Variants in AMDHD2 observed in about 807,000 individuals in gnomAD.
The protein encoded by AMDHD2 is N-acetylglucosamine-6-phosphate deacetylase.
In AMDHD2, 24 loss-of-function variants were observed where a neutral mutation model predicts 41.8. The observed-to-expected ratio is 0.57, with a 90% CI of 0.42 to 0.81. AMDHD2 has a LOEUF of 0.81. Among genes scored for constraint, AMDHD2 ranks in the 30% least tolerant of loss-of-function variants. The probability of loss-of-function intolerance (pLI) is 0.00; values close to 1 mark genes in which losing one functional copy is unlikely to be tolerated. For missense variants in AMDHD2, 540 were observed against 588.5 expected, an observed-to-expected ratio of 0.92 and a Z score of 0.85; for synonymous variants, 332 against 255.5, an observed-to-expected ratio of 1.30 and a Z score of -2.85.
In AMDHD2 at chr16:2,521,789, T is replaced by TG. The variant is rs1168256983; in HGVS notation, c.360+666_360+667insG. Among the ~76,000 whole-genome samples, 51 of 143,374 alleles carry TG rather than the reference T, an allele frequency of 3.6e-4. 1 individual carries two copies. The highest frequency in any genetic ancestry group is 2.0e-3 in the Admixed American group (29 of 14,608). 94.1% of individuals were successfully genotyped at this position (143,374 alleles called of 152,430 possible). On this transcript the variant is annotated intron_variant, in intron 3 of 10. Coordinates refer to ENST00000293971, the MANE Select transcript of AMDHD2 (RefSeq NM_001330449.2). ...CTTTTTTTTTTTGTTTAGTTTTTTT[T>TG]TTTTTTTTTTTTGAGACGGAGTCTC...
Position 2,529,785 on chromosome 16 carries a change from G to A in AMDHD2, c.*222G>A. ...CTCACATGTGGCACCATCCTTGGTT[G>A]CCCTCCTGGAGAAGGCATTCACGGC... is the stretch of plus-strand genomic sequence containing the variant. On this transcript the variant is annotated 3_prime_UTR_variant, in exon 11 of 11. Coordinates refer to ENST00000293971, the MANE Select transcript of AMDHD2 (RefSeq NM_001330449.2). 7.0e-7 allele frequency: 1 copy of A among 1,432,354 alleles called. No individual in the cohort carries two copies. Among genetic ancestry groups the A allele is most frequent in the Admixed American group, 2.8e-5 (1 of 35,998 alleles). 88.7% of individuals were successfully genotyped at this position (1,432,354 alleles called of 1,614,324 possible).
rs1418796695 is a variant in AMDHD2, at chr16:2,529,464, C to T, written c.1142-11C>T. On this transcript the variant is annotated splice_polypyrimidine_tract_variant and intron_variant, in intron 10 of 10. Coordinates refer to ENST00000293971, the MANE Select transcript of AMDHD2 (RefSeq NM_001330449.2). ...CTCCTGCCCCCTACTCATTGCCCGG[C>T]TCTGTCCCAGACTTCGTGGTGCTCG... is the stretch of plus-strand genomic sequence containing the variant. 1.9e-6 allele frequency: 3 copies of T among 1,609,224 alleles called. No individual in the cohort carries two copies. Among genetic ancestry groups the T allele is most frequent in the Non-Finnish European group, 2.5e-6 (3 of 1,179,912 alleles).
rs2066039134 is a variant in AMDHD2, at chr16:2,528,540, T to C, written c.951T>C (p.Gly317=). 2.5e-6 allele frequency: 4 copies of C among 1,612,552 alleles called. No individual in the cohort carries two copies. The highest frequency in any genetic ancestry group is 3.4e-6 in the Non-Finnish European group (4 of 1,179,906). ...GACAGCAGGAAGTGGAAGTGGACGGTCTGACGGCCTACGTGGCAGGTGAGC... is the reference window on the plus strand; with the variant it reads ...GACAGCAGGAAGTGGAAGTGGACGGCCTGACGGCCTACGTGGCAGGTGAGC... The part of the protein sequence containing the change: ...TLGQQEVEVD[G]LTAYVAGTKT... Residue 317 remains glycine (G), a synonymous_variant, in exon 8 of 11, where the codon GGT becomes GGC. Coordinates refer to ENST00000293971, the MANE Select transcript of AMDHD2 (RefSeq NM_001330449.2).
At position 2,528,013 on chromosome 16, in the gene AMDHD2, C is replaced by T. The variant is rs752346323; in HGVS notation, c.628+28C>T. 31 of 1,610,044 alleles carry T rather than the reference C, an allele frequency of 1.9e-5. 1 individual carries two copies. In the South Asian group the frequency reaches 3.2e-4, roughly 17 times the overall value. On this transcript the variant is annotated intron_variant, in intron 5 of 10. Coordinates refer to ENST00000293971, the MANE Select transcript of AMDHD2 (RefSeq NM_001330449.2). ...GAGGGGCCGGCTCGGGGTGGGCCTGCTTGGGGGACCTGGGCCAGGTGCAAA... is the reference window on the plus strand; with the variant it reads ...GAGGGGCCGGCTCGGGGTGGGCCTGTTTGGGGGACCTGGGCCAGGTGCAAA...
rs764125716 is a variant in AMDHD2 at position 2,527,609 on chromosome 16, G to A, written c.409G>A (p.Val137Ile). 13 of 1,612,420 alleles carry A rather than the reference G, an allele frequency of 8.1e-6. No individual in the cohort carries two copies. The highest frequency in any genetic ancestry group is 1.6e-4 in the Middle Eastern group (1 of 6,072). The change falls in exon 4 of 11, where the codon GTC becomes ATC. Residue 137 changes from valine (V) to isoleucine (I), a missense_variant. Coordinates refer to ENST00000293971, the MANE Select transcript of AMDHD2 (RefSeq NM_001330449.2). The surrounding 1 kb of genome is among the most constrained non-coding windows in gnomAD (Gnocchi z 6.1). ...VKSGGPHGAGVLGLHLEGPFI... is the reference protein window; with the variant it reads ...VKSGGPHGAGILGLHLEGPFI... ...GAGTGGTGGTCCCCATGGGGCAGGGGTCCTCGGTGAGTGGCTGACCTCCTC... is the reference window on the plus strand; with the variant it reads ...GAGTGGTGGTCCCCATGGGGCAGGGATCCTCGGTGAGTGGCTGACCTCCTC...
chr16:2,520,399 T>TGGGCGCGGGATTTGGC lies in AMDHD2; in HGVS notation c.-59_-44dup, dbSNP rs1273465984. 3.3e-6 allele frequency: 4 copies of TGGGCGCGGGATTTGGC among 1,205,154 alleles called. No individual in the cohort carries two copies. Among genetic ancestry groups the TGGGCGCGGGATTTGGC allele is most frequent in the Non-Finnish European group, 3.1e-6 (3 of 965,962 alleles). 74.7% of individuals were successfully genotyped at this position (1,205,154 alleles called of 1,614,324 possible). ...TCAGCTCTCGGCTGGGGTTCGTCACTGGGCGCGGGATTTGGCCGCCGCGGG... is the reference window on the plus strand; with the variant it reads ...TCAGCTCTCGGCTGGGGTTCGTCACTGGGCGCGGGATTTGGCGGGCGCGGGATTTGGCCGCCGCGGG... On this transcript the variant is annotated 5_prime_UTR_variant, in exon 1 of 11. Coordinates refer to ENST00000293971, the MANE Select transcript of AMDHD2 (RefSeq NM_001330449.2).
In AMDHD2 at chr16:2,529,680, C is replaced by A; in HGVS notation, c.*117C>A. On this transcript the variant is annotated 3_prime_UTR_variant, in exon 11 of 11. Transcript: ENST00000293971. ...GCCCTGCTGGATTGATGCCCAGGGCCTGTGCGGCCGCCCTGGAGGCGGTGG... is the reference window on the plus strand; with the variant it reads ...GCCCTGCTGGATTGATGCCCAGGGCATGTGCGGCCGCCCTGGAGGCGGTGG... The A allele has an allele frequency of 1.3e-6, 2 of 1,528,364 alleles. No homozygotes were observed. Among genetic ancestry groups the A allele is most frequent in the East Asian group, 2.4e-5 (1 of 41,846 alleles). The allele number at this position is 1,528,364 out of a possible 1,614,324, so 94.7% of individuals were successfully genotyped here. A position where few individuals can be genotyped will look rare whatever the true frequency, so the allele number is the denominator to read the frequency against.
rs1392613107 is a variant in AMDHD2, at chr16:2,527,276, G to C, written c.361-285G>C. The C allele has an allele frequency of 1.5e-5, 8 of 521,168 alleles. No homozygotes were observed. The African/African-American group carries it at 1.6e-4, about 11-fold the overall frequency. The allele number at this position is 521,168 out of a possible 1,614,324, so 32.3% of individuals were successfully genotyped here. The stretch of plus-strand genomic sequence containing the variant: ...CAGGAGCCTCCTGCCTCCCAGCCCT[G>C]CTCCCTGGGCTGCTGTGCCCAGGGC... On this transcript the variant is annotated intron_variant, in intron 3 of 10. Transcript: ENST00000293971. This position sits in a 1 kb window ranked among gnomAD's most constrained non-coding sequence, Gnocchi z 6.1.
intron 3 of AMDHD2, among the ~76,000 whole-genome samples, chr16:2,525,138 C>T (rs780331709): frequency 1.3e-5 from 2 of 151,424 alleles, no homozygotes; most frequent in African/African-American, 2.4e-5. Flanking sequence ...CTCACTGCAA[C>T]CTCTGCCTCC....
intron 5 of AMDHD2, 24 bp downstream of exon 5, chr16:2,528,009 C>T (rs367709129): frequency 1.2e-6 from 2 of 1,609,508 alleles, no homozygotes; most frequent in Non-Finnish European, 1.7e-6. Flanking sequence ...TCGGGGTGGG[C>T]CTGCTTGGGG....
chr16:2,528,926 G>A, intron 9 of AMDHD2, 68 bp from the exon 10 acceptor site: 4 of 1,505,878 alleles, frequency 2.7e-6, no homozygotes, highest in Non-Finnish European at 3.6e-6. Flanking sequence ...GAGTGCTGGT[G>A]TGGTTGGGGG....
intron 9 of AMDHD2, 75 bp from the exon 10 acceptor site, chr16:2,528,919 T>G (rs1596999700): frequency 6.7e-7 from 1 of 1,494,344 alleles, no homozygotes; most frequent in Non-Finnish European, 9.0e-7. Context: ...AGACAGGGAG[T>G]GCTGGTGTGG....
At chr16:2,522,835 A>G (rs941859639) in intron 3 of AMDHD2, among the ~76,000 whole-genome samples, 41 of 149,260 alleles carry the variant, frequency 2.7e-4, no homozygotes, top group Non-Finnish European at 5.8e-4. Flanking sequence ...TTTATTCCTT[A>G]GTACTTAACT....
At chr16:2,522,081 G>T (rs2065948227) in intron 3 of AMDHD2, among the ~76,000 whole-genome samples, 1 of 152,028 alleles carries the variant, frequency 6.6e-6, no homozygotes, top group Non-Finnish European at 1.5e-5. Flanking sequence ...ACCGCGCCCG[G>T]CCAGTTTTTG....
intron 3 of AMDHD2, among the ~76,000 whole-genome samples, chr16:2,521,333 C>CCGCAG (rs2065934330): frequency 6.6e-6 from 1 of 152,112 alleles, no homozygotes; most frequent in Non-Finnish European, 1.5e-5. Flanking sequence ...CCTCTGTCCT[C>CCGCAG]CGCAGCTGTC....
intron 3 of AMDHD2, among the ~76,000 whole-genome samples, chr16:2,524,063 A>T (rs2065973878): frequency 6.6e-6 from 1 of 152,210 alleles, no homozygotes; most frequent in East Asian, 1.9e-4. Context: ...CACACACAGG[A>T]TGAAGGCAGA....
chr16:2,530,048 C>T lies in AMDHD2; in HGVS notation c.*485C>T, dbSNP rs888258828. On this transcript the variant is annotated 3_prime_UTR_variant, in exon 11 of 11. Coordinates refer to ENST00000293971, the MANE Select transcript of AMDHD2 (RefSeq NM_001330449.2). ...GTGTGGACAGTCAGGGGTTTGCTTT[C>T]TGCTCCTGAGTTGGGGTGTGCAGCG... The T allele has an allele frequency of 2.6e-5, 21 of 813,180 alleles. No homozygotes were observed. The Admixed American group carries it at 6.2e-4, about 24-fold the overall frequency. 50.4% of individuals were successfully genotyped at this position (813,180 alleles called of 1,614,324 possible).
chr16:2,527,951 G>C lies in AMDHD2; in HGVS notation c.594G>C (p.Arg198=). 6.2e-7 allele frequency: 1 copy of C among 1,601,294 alleles called. No homozygotes were observed. Among genetic ancestry groups the C allele is most frequent in the East Asian group, 2.2e-5 (1 of 44,830 alleles). Residue 198 remains arginine, a synonymous_variant, in exon 5 of 11, where the codon CGG becomes CGC. Coordinates refer to ENST00000293971, the MANE Select transcript of AMDHD2 (RefSeq NM_001330449.2). This position sits in a 1 kb window ranked among gnomAD's most constrained non-coding sequence, Gnocchi z 6.1. ...PELGRSHEVI[R]ALTARGICVS... is the part of the protein sequence containing the mutation. ...TGGGCCGTAGCCACGAAGTGATCCG[G>C]GCGCTGACGGCCCGTGGCATCTGCG...
rs1260484387 is a variant in AMDHD2 at position 2,529,892 on chromosome 16, C to T, written c.*329C>T. 35 of 1,148,694 alleles carry T rather than the reference C, an allele frequency of 3.0e-5. No homozygotes were observed. Among genetic ancestry groups the T allele is most frequent in the South Asian group, 9.1e-5 (5 of 55,022 alleles). The allele number at this position is 1,148,694 out of a possible 1,614,324, so 71.2% of individuals were successfully genotyped here. On this transcript the variant is annotated 3_prime_UTR_variant, in exon 11 of 11. Transcript: ENST00000293971. Reference sequence around the variant, plus strand: ...CAGGGCCTGTCTGCATGAAGTGGACCGGAGACCTGCAGACCCCAGGAAAGT... The same window carrying T: ...CAGGGCCTGTCTGCATGAAGTGGACTGGAGACCTGCAGACCCCAGGAAAGT...
Sources: gnomAD v4.1 joint callset for allele counts (sites outside exome capture counted in the v4.1 genomes callset) on GRCh38, gnomAD v4.1.1 for gene constraint, Gnocchi (gnomAD v3.1) non-coding constraint, MANE v1.5 for transcripts, NCBI Gene and HGNC (gene_info 2026-07-23, HGNC 2026-07-21) for gene names.